Variants in MTOR observed in about 807,000 individuals in gnomAD.
The protein encoded by MTOR is mechanistic target of rapamycin kinase.
In MTOR, 70 loss-of-function variants were observed where a neutral mutation model predicts 319.8. The observed-to-expected ratio is 0.22, with a 90% CI of 0.18 to 0.27. The LOEUF (loss-of-function observed/expected upper bound fraction) is 0.27. MTOR is among the 10% of genes least tolerant of loss of function. The pLI, the probability that MTOR is intolerant of heterozygous loss-of-function variation, is 1.00. For missense variants in MTOR, 1,890 were observed against 3,274.4 expected, an observed-to-expected ratio of 0.58 and a Z score of 10.32; for synonymous variants, 1,183 against 1,211.4, an observed-to-expected ratio of 0.98 and a Z score of 0.49.
At chr1:11,141,318 G>A (rs1432946209) in intron 34 of MTOR, among the ~76,000 whole-genome samples, 2 of 151,928 alleles carry the variant, frequency 1.3e-5, no homozygotes, top group African/African-American at 4.8e-5. Context: ...TTGCCACATT[G>A]CCAAGGCCGG....
chr1:11,120,137 G>T (rs1386071880), intron 49 of MTOR, among the ~76,000 whole-genome samples: 2 of 151,824 alleles, frequency 1.3e-5, no homozygotes, highest in African/African-American at 2.4e-5. Flanking sequence ...GAGTGCAGTG[G>T]CATGGTATGG....
chr1:11,240,226 T>TC, intron 11 of MTOR, 77 bp downstream of exon 11: 1 of 1,494,582 alleles, frequency 6.7e-7, no homozygotes. Flanking sequence ...GATCCAGGAA[T>TC]CCTAGATACC....
At position 11,109,663 on chromosome 1, in the gene MTOR, G is replaced by C; in HGVS notation, c.7433C>G (p.Ser2478Cys). 6.2e-7 allele frequency: 1 copy of C among 1,614,130 alleles called. No homozygotes were observed. The highest frequency in any genetic ancestry group is 8.5e-7 in the Non-Finnish European group (1 of 1,179,986). ...GCTGAACTTACTGAAAGAATGAATAGATTCTGGCACTGTGGTCCCCGTTTT... is the reference window on the plus strand; with the variant it reads ...GCTGAACTTACTGAAAGAATGAATACATTCTGGCACTGTGGTCCCCGTTTT... ...HKKTGTTVPE[S>C]IHSFIGDGLV... The change falls in exon 55 of 58, where the codon TCT (serine) becomes TGT (cysteine). Residue 2478 changes from serine to cysteine, a missense_variant. By Grantham distance (112) the Ser-to-Cys change is moderately radical (BLOSUM62 -1). Transcript: ENST00000361445. This position sits in a 1 kb window ranked among gnomAD's most constrained non-coding sequence, Gnocchi z 4.0.
Position 11,250,260 on chromosome 1 carries a change from C to T in MTOR, c.841-2166G>A, listed in dbSNP as rs1326471034. On this transcript the variant is annotated intron_variant, in intron 6 of 57. Coordinates refer to ENST00000361445, the MANE Select transcript of MTOR (RefSeq NM_004958.4). The stretch of plus-strand genomic sequence containing the variant: ...CCTCCCTCCCGGACGGGGCGGCTGG[C>T]CGGGCAGGGGGCTGACCCCCCCACC... Among the ~76,000 whole-genome samples, 27 of 134,938 alleles carry T rather than the reference C, an allele frequency of 2.0e-4. 1 individual carries two copies. The highest frequency in any genetic ancestry group is 2.0e-3 in the Admixed American group (27 of 13,684). 88.5% of individuals were successfully genotyped at this position (134,938 alleles called of 152,430 possible).
rs386366225 is a variant in MTOR, at chr1:11,207,409, C to CTTTTTTTTTTTT, written c.3801+1891_3801+1902dup. Reference sequence around the variant, plus strand: ...AGCCACTGCACCTGGCCCCCTACCTCTTTTTTTTTTTTTTTTTTGAAGAGA... The same window carrying CTTTTTTTTTTTT: ...AGCCACTGCACCTGGCCCCCTACCTCTTTTTTTTTTTTTTTTTTTTTTTTTTTTTTGAAGAGA... On this transcript the variant is annotated intron_variant, in intron 25 of 57. Coordinates refer to ENST00000361445, the MANE Select transcript of MTOR (RefSeq NM_004958.4). Among the ~76,000 whole-genome samples, 2 of 114,174 alleles carry CTTTTTTTTTTTT rather than the reference C, an allele frequency of 1.8e-5. 1 individual carries two copies. The highest frequency in any genetic ancestry group is 3.4e-5 in the Non-Finnish European group (2 of 58,716). The allele number at this position is 114,174 out of a possible 152,430, so 74.9% of individuals were successfully genotyped here.
At chr1:11,233,541 T>G in intron 14 of MTOR, 54 bp from the exon 15 acceptor site, 1 of 1,395,234 alleles carries the variant, frequency 7.2e-7, no homozygotes, top group African/African-American at 1.4e-5. Context: ...ACTAGAAACC[T>G]TTCTTTTATA....
intron 36 of MTOR, among the ~76,000 whole-genome samples, chr1:11,134,876 C>T (rs1219080622): frequency 1.3e-5 from 2 of 152,146 alleles, no homozygotes; most frequent in East Asian, 3.8e-4. Flanking sequence ...GTTTACAACA[C>T]CAGGGTACCT....
At position 11,127,453 on chromosome 1, in the gene MTOR, C is replaced by T. The variant is rs566882358; in HGVS notation, c.6216+171G>A. On this transcript the variant is annotated intron_variant, in intron 44 of 57. Transcript: ENST00000361445. The surrounding 1 kb of genome is among the most constrained non-coding windows in gnomAD (Gnocchi z 5.5). ...TTTCTGATGTTTTATGCTCTGTGAC[C>T]TCCATCAGAGCTCGTTTTATTAAAG... Among the ~76,000 whole-genome samples, 12 of 152,272 alleles carry T rather than the reference C, an allele frequency of 7.9e-5. No individual in the cohort carries two copies. The highest frequency in any genetic ancestry group is 2.9e-4 in the African/African-American group (12 of 41,552).
At position 11,256,115 on chromosome 1, in the gene MTOR, A is replaced by G; in HGVS notation, c.582T>C (p.Ile194=). The stretch of plus-strand genomic sequence containing the variant: ...GTTTGGGGTCCCACACGGCCACAAA[A>G]ATGTTGTCAAAGAAGGGTTGCACTT... ...FQQVQPFFDN[I]FVAVWDPKQA... The change falls in exon 5 of 58, where the codon ATT becomes ATC. Residue 194 remains isoleucine (I), a synonymous_variant. Transcript: ENST00000361445. 6.2e-7 allele frequency: 1 copy of G among 1,614,184 alleles called. No individual in the cohort carries two copies. Among genetic ancestry groups the G allele is most frequent in the Non-Finnish European group, 8.5e-7 (1 of 1,180,036 alleles).
At chr1:11,224,230 T>C (rs1291769426) in intron 19 of MTOR, among the ~76,000 whole-genome samples, 2 of 151,904 alleles carry the variant, frequency 1.3e-5, no homozygotes, top group Non-Finnish European at 2.9e-5. Context: ...ACAAGACAGT[T>C]AAAAGTAAAA....
intron 49 of MTOR, among the ~76,000 whole-genome samples, chr1:11,119,891 G>C (rs1321649154): frequency 6.6e-6 from 1 of 151,146 alleles, no homozygotes; most frequent in African/African-American, 2.4e-5. Flanking sequence ...TCTAAGTTAG[G>C]GCCCCCATCG....
In MTOR at chr1:11,126,532, G is replaced by A. The variant is rs1642848311; in HGVS notation, c.6526+90C>T. 2.1e-6 allele frequency: 3 copies of A among 1,405,696 alleles called. No individual in the cohort carries two copies. The South Asian group carries it at 4.0e-5, about 19-fold the overall frequency. 87.1% of individuals were successfully genotyped at this position (1,405,696 alleles called of 1,614,324 possible). Reference sequence around the variant, plus strand: ...TGTAGCTATGATAGGTGAGTAGTGGGAATGGCAAGCAGTAATTTCAGAAGA... The same window carrying A: ...TGTAGCTATGATAGGTGAGTAGTGGAAATGGCAAGCAGTAATTTCAGAAGA... On this transcript the variant is annotated intron_variant, in intron 46 of 57. Transcript: ENST00000361445.
At position 11,139,391 on chromosome 1, in the gene MTOR, C is replaced by A. The variant is rs55774271; in HGVS notation, c.5043G>T (p.Pro1681=). The A allele has an allele frequency of 3.7e-6, 6 of 1,613,860 alleles. No homozygotes were observed. The South Asian group carries it at 6.6e-5, about 18-fold the overall frequency. ...GCAGAGGATGGTCAAGTTGCCGAGACGGATCAACTCCCAGGAGCAACACTA... is the reference window on the plus strand; with the variant it reads ...GCAGAGGATGGTCAAGTTGCCGAGAAGGATCAACTCCCAGGAGCAACACTA... ...KTLVLLLGVD[P]SRQLDHPLPT... Residue 1681 remains proline (P), a synonymous_variant, in exon 36 of 58, where the codon CCG becomes CCT. Transcript: ENST00000361445.
At chr1:11,193,788 CA>C in intron 28 of MTOR, 1 of 1,613,592 alleles carries the variant, frequency 6.2e-7, no homozygotes, top group South Asian at 1.1e-5. Flanking sequence ...AGCACAAGGC[CA>C]GGGGCCCCAT....
At chr1:11,178,486 C>A (rs1343572427) in intron 28 of MTOR, among the ~76,000 whole-genome samples, 9 of 152,222 alleles carry the variant, frequency 5.9e-5, no homozygotes, top group Non-Finnish European at 1.3e-4. Flanking sequence ...TTGGCAGGCA[C>A]ACCGCTCCCA....
intron 28 of MTOR, among the ~76,000 whole-genome samples, chr1:11,181,674 G>A (rs1051982722): frequency 6.6e-5 from 10 of 152,274 alleles, no homozygotes; most frequent in Admixed American, 3.9e-4. Context: ...GCCCTACAGC[G>A]AAGACCTCAC....
At chr1:11,156,602 G>T (rs1644325911) in intron 30 of MTOR, among the ~76,000 whole-genome samples, 1 of 152,106 alleles carries the variant, frequency 6.6e-6, no homozygotes, top group Non-Finnish European at 1.5e-5. Context: ...AAGGTAGCAT[G>T]GCTCACACAT....
At chr1:11,224,264 C>CA (rs894470248) in intron 19 of MTOR, among the ~76,000 whole-genome samples, 14 of 151,138 alleles carry the variant, frequency 9.3e-5, no homozygotes, top group South Asian at 4.2e-4. Flanking sequence ...CATATACCTC[C>CA]AAAAAAAAGC....
intron 4 of MTOR, 95 bp downstream of exon 4, chr1:11,256,837 CT>C: frequency 1.6e-6 from 2 of 1,246,394 alleles, no homozygotes; most frequent in Admixed American, 2.1e-5. Flanking sequence ...TTCTAACCAG[CT>C]TTTTTAAGGA....
Sources: gnomAD v4.1 joint callset for allele counts (sites outside exome capture counted in the v4.1 genomes callset) on GRCh38, gnomAD v4.1.1 for gene constraint, Gnocchi (gnomAD v3.1) non-coding constraint, MANE v1.5 for transcripts, NCBI Gene and HGNC (gene_info 2026-07-23, HGNC 2026-07-21) for gene names.